The following CYGB variants were observed in gnomAD, a reference collection of about 807,000 sequenced individuals.
CYGB encodes the protein histoglobin.
Under a neutral mutation model 20.7 loss-of-function variants are expected in CYGB, and 13 were observed. The observed-to-expected ratio is 0.63, with a 90% CI of 0.41 to 1.00. The LOEUF (loss-of-function observed/expected upper bound fraction) is 1.00. Among genes scored for constraint, CYGB ranks in the 50% least tolerant of loss-of-function variants. The pLI is 0.00. For missense variants in CYGB, 218 were observed against 257.2 expected, an observed-to-expected ratio of 0.85 and a Z score of 1.04; for synonymous variants, 93 against 107.4, an observed-to-expected ratio of 0.87 and a Z score of 0.83.
Position 76,528,461 on chromosome 17 carries a change from T to A in CYGB, c.*117A>T, listed in dbSNP as rs902444184. 2 of 995,146 alleles carry A rather than the reference T, an allele frequency of 2.0e-6. No individual in the cohort carries two copies. Among genetic ancestry groups the A allele is most frequent in the Admixed American group, 4.3e-5 (1 of 23,344 alleles). The allele number at this position is 995,146 out of a possible 1,614,324, so 61.6% of individuals were successfully genotyped here. A position where few individuals can be genotyped will look rare whatever the true frequency, so the allele number is the denominator to read the frequency against. On this transcript the variant is annotated 3_prime_UTR_variant, in exon 4 of 4. Transcript: ENST00000293230. This position sits in a 1 kb window ranked among gnomAD's most constrained non-coding sequence, Gnocchi z 5.8. ...GCCACAGAGGCCTCCTTCGGGGAAG[T>A]TGAGTCAGGGATTCCTCCAGCTTCC...
chr17:76,530,077 G>A lies in CYGB; in HGVS notation c.539+902C>T, dbSNP rs995280758. ...GCCCGTGCAGAGCCCGGCGGGAGAC[G>A]CCGCCTTTTCCATGGGAAACTGCTG... On this transcript the variant is annotated intron_variant, in intron 3 of 3. Coordinates refer to ENST00000293230, the MANE Select transcript of CYGB (RefSeq NM_134268.5). This position sits in a 1 kb window ranked among gnomAD's most constrained non-coding sequence, Gnocchi z 6.1. The A allele has an allele frequency of 6.3e-5, 62 of 984,644 alleles. No homozygotes were observed. The Admixed American group carries it at 8.0e-4, about 13-fold the overall frequency. The allele number at this position is 984,644 out of a possible 1,614,324, so 61.0% of individuals were successfully genotyped here. A position where few individuals can be genotyped will look rare whatever the true frequency, so the allele number is the denominator to read the frequency against.
chr17:76,540,263 G>GGGGGGGGGGGGC, upstream of CYGB: 2 of 610,896 alleles, frequency 3.3e-6, no homozygotes, highest in Non-Finnish European at 2.9e-6. This position sits in a 1 kb window ranked among gnomAD's most constrained non-coding sequence, Gnocchi z 5.0. Context: ...GGGGGGGGGG[G>GGGGGGGGGGGGC]CATGGGGCTG....
Position 76,531,406 on chromosome 17 carries a change from A to G in CYGB, c.375+54T>C. On this transcript the variant is annotated intron_variant, in intron 2 of 3. Transcript: ENST00000293230. This position sits in a 1 kb window ranked among gnomAD's most constrained non-coding sequence, Gnocchi z 7.4. ...AGCCGTCGCAGAGCCTGCGAGCTGCAGATGGCCATGACGCGTGGGCGGTGG... is the reference window on the plus strand; with the variant it reads ...AGCCGTCGCAGAGCCTGCGAGCTGCGGATGGCCATGACGCGTGGGCGGTGG... 7 of 1,567,572 alleles carry G rather than the reference A, an allele frequency of 4.5e-6. No homozygotes were observed. The South Asian group carries it at 4.6e-5, about 10-fold the overall frequency.
upstream of CYGB, among the ~76,000 whole-genome samples, chr17:76,541,505 C>T (rs1227699038): frequency 5.9e-5 from 9 of 152,134 alleles, no homozygotes; most frequent in East Asian, 1.9e-4. Context: ...AACTGGCAAC[C>T]GAGAGAACTT....
Position 76,531,250 on chromosome 17 carries a change from C to T in CYGB, c.376-108G>A. The T allele has an allele frequency of 2.3e-6, 3 of 1,317,424 alleles. No homozygotes were observed. Among genetic ancestry groups the T allele is most frequent in the African/African-American group, 1.5e-5 (1 of 67,858 alleles). 81.6% of individuals were successfully genotyped at this position (1,317,424 alleles called of 1,614,324 possible). A position where few individuals can be genotyped will look rare whatever the true frequency, so the allele number is the denominator to read the frequency against. ...GCCGAGAGGATCATTCCTAACGCAA[C>T]AGTCTGGCAGCTTTGGGAACCCCGT... On this transcript the variant is annotated intron_variant, in intron 2 of 3. Transcript: ENST00000293230. The surrounding 1 kb of genome is among the most constrained non-coding windows in gnomAD (Gnocchi z 7.4).
intron 1 of CYGB, chr17:76,543,213 G>A: frequency 2.5e-6 from 1 of 405,474 alleles, no homozygotes; most frequent in Admixed American, 3.0e-5. Flanking sequence ...GCTGGGCCTG[G>A]CAGAAAGAGC....
upstream of CYGB, chr17:76,551,179 CAGAGA>C (rs925305835): frequency 2.0e-5 from 3 of 152,140 alleles, no homozygotes; most frequent in African/African-American, 7.2e-5. Context: ...ATTTGCAGAG[CAGAGA>C]AGAGAATGCA....
chr17:76,539,346 G>A (rs531163375), upstream of CYGB, among the ~76,000 whole-genome samples: 7 of 152,308 alleles, frequency 4.6e-5, no homozygotes, highest in Middle Eastern at 3.4e-3. Context: ...TAATATAGTC[G>A]TATGGTGTAG....
chr17:76,532,659 G>A (rs2074860964), intron 1 of CYGB, among the ~76,000 whole-genome samples: 1 of 151,286 alleles, frequency 6.6e-6, no homozygotes, highest in Non-Finnish European at 1.5e-5. Flanking sequence ...AGCTTCCTGA[G>A]TAGCTGGGAC....
chr17:76,542,700 A>C (rs1262919101), upstream of CYGB: 3 of 1,015,384 alleles, frequency 3.0e-6, no homozygotes, highest in Non-Finnish European at 4.7e-6. Context: ...AGCAACAGGC[A>C]AGTCCCGGCC....
At position 76,544,434 on chromosome 17, in the gene CYGB, A is replaced by T. The variant is rs775531139; in HGVS notation, c.-53+6428T>A. 34 of 454,690 alleles carry T rather than the reference A, an allele frequency of 7.5e-5. 1 individual carries two copies. Among genetic ancestry groups the T allele is most frequent in the South Asian group, 5.3e-4 (34 of 64,482 alleles). The allele number at this position is 454,690 out of a possible 1,614,324, so 28.2% of individuals were successfully genotyped here. ...GCGCTCAGGGTGGGGGAGGAGGTGC[A>T]CCCCGCTGGGGAGGGCCTGCTGGTA... On this transcript the variant is annotated intron_variant, in intron 1 of 3. Transcript: ENST00000589145.
chr17:76,547,664 TATTC>T (rs2075065337), intron 1 of CYGB, among the ~76,000 whole-genome samples: 1 of 134,580 alleles, frequency 7.4e-6, no homozygotes, highest in African/African-American at 3.2e-5. Flanking sequence ...CACACACACA[TATTC>T]ACACACAGAG....
rs1285290117 is a variant in CYGB at position 76,527,551 on chromosome 17, A to G, written c.*1027T>C. 9 of 444,106 alleles carry G rather than the reference A, an allele frequency of 2.0e-5. No homozygotes were observed. Among genetic ancestry groups the G allele is most frequent in the African/African-American group, 8.1e-5 (4 of 49,652 alleles). 27.5% of individuals were successfully genotyped at this position (444,106 alleles called of 1,614,324 possible). ...CGACACACGTGACCAAGGGGCACAC[A>G]CGGGGGGCCCCCCTGGCAAGCCTGA... On this transcript the variant is annotated 3_prime_UTR_variant, in exon 4 of 4. Transcript: ENST00000293230.
chr17:76,531,976 T>C lies in CYGB; in HGVS notation c.144-285A>G, dbSNP rs1175027848. On this transcript the variant is annotated intron_variant, in intron 1 of 3. Transcript: ENST00000293230. The surrounding 1 kb of genome is among the most constrained non-coding windows in gnomAD (Gnocchi z 7.4). ...CTCGCTTCTTGCTTCCTTCCCAAAC[T>C]CTACACCCCCTTCAAGCCCTGCTCT... The C allele has an allele frequency of 3.3e-5, 11 of 337,696 alleles. No individual in the cohort carries two copies. The East Asian group carries it at 5.6e-4, about 17-fold the overall frequency. 20.9% of individuals were successfully genotyped at this position (337,696 alleles called of 1,614,324 possible). A position where few individuals can be genotyped will look rare whatever the true frequency, so the allele number is the denominator to read the frequency against.
At chr17:76,547,888 TACAC>T (rs768752289) in intron 1 of CYGB, among the ~76,000 whole-genome samples, 9 of 144,264 alleles carry the variant, frequency 6.2e-5, no homozygotes, top group Middle Eastern at 4.0e-3. Context: ...CACATACACA[TACAC>T]ACAGACACAC....
rs1326745253 is a variant in CYGB at position 76,531,389 on chromosome 17, C to T, written c.375+71G>A. The T allele has an allele frequency of 1.9e-6, 3 of 1,542,570 alleles. No individual in the cohort carries two copies. The East Asian group carries it at 6.8e-5, about 35-fold the overall frequency. On this transcript the variant is annotated intron_variant, in intron 2 of 3. Coordinates refer to ENST00000293230, the MANE Select transcript of CYGB (RefSeq NM_134268.5). The surrounding 1 kb of genome is among the most constrained non-coding windows in gnomAD (Gnocchi z 7.4). ...CCTCTGTTGCTCCAGAGAGCCGTCG[C>T]AGAGCCTGCGAGCTGCAGATGGCCA... is the stretch of plus-strand genomic sequence containing the variant.
chr17:76,542,405 T>C (rs769136755), upstream of CYGB: 28 of 898,118 alleles, frequency 3.1e-5, no homozygotes, highest in Non-Finnish European at 3.2e-5. Flanking sequence ...CCAGTCACAC[T>C]GTCCTAAATG....
Position 76,537,645 on chromosome 17 carries a change from CGGGCGGGCGAGGGGTAGAGCGCGGA to C in CYGB, c.-128_-104del. ...GAGCCGGGGCCGGCTGCGTGCGCGGCGGGCGGGCGAGGGGTAGAGCGCGGAGGGAGGGAGCGTGTGTCTGTGCGCG... is the reference window on the plus strand; with the variant it reads ...GAGCCGGGGCCGGCTGCGTGCGCGGCGGGAGGGAGCGTGTGTCTGTGCGCG... On this transcript the variant is annotated 5_prime_UTR_variant, in exon 1 of 4. Transcript: ENST00000293230. 3 of 959,136 alleles carry C rather than the reference CGGGCGGGCGAGGGGTAGAGCGCGGA, an allele frequency of 3.1e-6. No homozygotes were observed. The highest frequency in any genetic ancestry group is 9.3e-5 in the South Asian group (2 of 21,534). 59.4% of individuals were successfully genotyped at this position (959,136 alleles called of 1,614,324 possible). A position where few individuals can be genotyped will look rare whatever the true frequency, so the allele number is the denominator to read the frequency against.
At chr17:76,551,142 G>A (rs552866931) in exon 1 of CYGB, 1 of 152,242 alleles carries the variant, frequency 6.6e-6, no homozygotes, top group African/African-American at 2.4e-5. Flanking sequence ...TCAAAACTTC[G>A]CAGGAAGTAT....
Sources: gnomAD v4.1 joint callset for allele counts (sites outside exome capture counted in the v4.1 genomes callset) on GRCh38, gnomAD v4.1.1 for gene constraint, Gnocchi (gnomAD v3.1) non-coding constraint, MANE v1.5 for transcripts, NCBI Gene and HGNC (gene_info 2026-07-23, HGNC 2026-07-21) for gene names.